DOCK8: variants seen among roughly 807,000 people sequenced by gnomAD.
The protein encoded by DOCK8 is dedicator of cytokinesis protein 8.
Under a neutral mutation model 245.6 loss-of-function variants are expected in DOCK8, and 141 were observed. That is an observed-to-expected ratio of 0.57 (90% CI 0.50 to 0.66). DOCK8 has a LOEUF of 0.66. Among genes scored for constraint, DOCK8 ranks in the 30% least tolerant of loss-of-function variants. The pLI, the probability that DOCK8 is intolerant of heterozygous loss-of-function variation, is 0.00. For synonymous variants in DOCK8, 1,168 were observed against 970.2 expected (o/e 1.20, Z -3.79); for missense variants, 2,965 against 2,603.4 (o/e 1.14, Z -3.02).
At chr9:436,335 T>G (rs1262969206) in intron 39 of DOCK8, among the ~76,000 whole-genome samples, 1 of 152,262 alleles carries the variant, frequency 6.6e-6, no homozygotes, top group Non-Finnish European at 1.5e-5. Flanking sequence ...TCAAATCACA[T>G]AGAAGTGTAC....
chr9:317,928 A>G (rs1004818550), intron 7 of DOCK8, among the ~76,000 whole-genome samples: 3 of 152,036 alleles, frequency 2.0e-5, no homozygotes, highest in African/African-American at 4.8e-5. Context: ...TGCCACATCT[A>G]CTTCAAAGTA....
At chr9:273,083 A>G in intron 2 of DOCK8, 2 of 985,428 alleles carry the variant, frequency 2.0e-6, no homozygotes, top group Non-Finnish European at 2.4e-6. Flanking sequence ...GCGCCGTGTA[A>G]CTGTGAATCT....
chr9:421,932 C>T, intron 32 of DOCK8, 116 bp from the exon 33 acceptor site: 2 of 923,832 alleles, frequency 2.2e-6, no homozygotes, highest in Non-Finnish European at 3.5e-6. Flanking sequence ...TGCATGGACT[C>T]TAATTAGCCC....
chr9:396,980 A>T (rs373182565), intron 25 of DOCK8, 46 bp downstream of exon 25: 298 of 1,564,110 alleles, frequency 1.9e-4, no homozygotes, highest in Non-Finnish European at 2.6e-4. Context: ...TACCTGGAAC[A>T]TATATTACTT....
intron 1 of DOCK8, among the ~76,000 whole-genome samples, chr9:241,424 T>C (rs546344488): frequency 6.6e-6 from 1 of 152,324 alleles, no homozygotes; most frequent in South Asian, 2.1e-4. Context: ...TGTTCTACTT[T>C]TTACTTCTAT....
At chr9:367,852 G>C (rs1010759560) in intron 14 of DOCK8, among the ~76,000 whole-genome samples, 166 bp from the exon 15 acceptor site, 3 of 152,188 alleles carry the variant, frequency 2.0e-5, no homozygotes, top group African/African-American at 4.8e-5. Flanking sequence ...TGTAGCTGAA[G>C]AGGAAGAATC....
intron 45 of DOCK8, among the ~76,000 whole-genome samples, chr9:450,668 T>C (rs1209502995): frequency 2.0e-5 from 3 of 151,994 alleles, no homozygotes; most frequent in African/African-American, 7.3e-5. Context: ...CTGAGTGTAC[T>C]TGACATCAAG....
At chr9:229,733 C>G (rs560944523) in intron 1 of DOCK8, among the ~76,000 whole-genome samples, 13 of 152,140 alleles carry the variant, frequency 8.5e-5, no homozygotes, top group Admixed American at 6.5e-4. Context: ...GACAGAGAGA[C>G]TAACATATCT....
At position 426,994 on chromosome 9, in the gene DOCK8, A is replaced by C; in HGVS notation, c.4338+13A>C. The C allele has an allele frequency of 6.2e-7, 1 of 1,607,704 alleles. No individual in the cohort carries two copies. Among genetic ancestry groups the C allele is most frequent in the Non-Finnish European group, 8.5e-7 (1 of 1,174,570 alleles). On this transcript the variant is annotated intron_variant, in intron 34 of 47. Coordinates refer to ENST00000432829, the MANE Select transcript of DOCK8 (RefSeq NM_203447.4). ...AAACATTATCCAGGTGAGGAAAACAAACACCCAATCTGATTTGTTGGCCAT... is the reference window on the plus strand; with the variant it reads ...AAACATTATCCAGGTGAGGAAAACACACACCCAATCTGATTTGTTGGCCAT...
chr9:406,476 C>T, intron 27 of DOCK8, among the ~76,000 whole-genome samples: 1 of 133,504 alleles, frequency 7.5e-6, no homozygotes, highest in Non-Finnish European at 1.6e-5. Flanking sequence ...AACAGAGTGA[C>T]ACTCTGTCTT....
At chr9:273,413 C>T (rs1181261244) in intron 2 of DOCK8, among the ~76,000 whole-genome samples, 1 of 151,872 alleles carries the variant, frequency 6.6e-6, no homozygotes, top group Non-Finnish European at 1.5e-5. Context: ...TTAATTTGTG[C>T]TAATATATAT....
At chr9:248,464 T>C (rs116515956) in intron 1 of DOCK8, among the ~76,000 whole-genome samples, 1,502 of 149,690 alleles carry the variant, frequency 0.01, 31 homozygotes, top group African/African-American at 0.036. Context: ...CTTCCTTCCT[T>C]CCTCCCTCCC....
intron 14 of DOCK8, among the ~76,000 whole-genome samples, chr9:351,780 A>C (rs1423298607): frequency 6.6e-6 from 1 of 152,206 alleles, no homozygotes; most frequent in Non-Finnish European, 1.5e-5. Flanking sequence ...TTCTGGTTAA[A>C]GATGTCATGG....
intron 2 of DOCK8, among the ~76,000 whole-genome samples, chr9:273,896 G>C (rs924042433): frequency 1.3e-5 from 2 of 152,126 alleles, no homozygotes; most frequent in Admixed American, 6.5e-5. Flanking sequence ...AGTAGAGACG[G>C]GGTTTCTCCA....
intron 1 of DOCK8, among the ~76,000 whole-genome samples, chr9:259,879 C>T (rs1269969957): frequency 6.6e-6 from 1 of 152,214 alleles, no homozygotes; most frequent in Non-Finnish European, 1.5e-5. Flanking sequence ...AAAGATTAGA[C>T]TCATGAAAGA....
intron 26 of DOCK8, among the ~76,000 whole-genome samples, chr9:400,847 A>C (rs1428556681): frequency 9.3e-6 from 1 of 107,182 alleles, no homozygotes; most frequent in Non-Finnish European, 1.9e-5. Context: ...CACCACCTCC[A>C]CCATCACCAC....
Position 304,241 on chromosome 9 carries a change from C to G in DOCK8, c.405-340C>G, listed in dbSNP as rs145923788. On this transcript the variant is annotated intron_variant, in intron 4 of 47. Transcript: ENST00000432829. Reference sequence around the variant, plus strand: ...CTCTATTTGTGGCTTCTGCACATTGCTAGATTTATTCCAGCCACTTACACT... The same window carrying G: ...CTCTATTTGTGGCTTCTGCACATTGGTAGATTTATTCCAGCCACTTACACT... Among the ~76,000 whole-genome samples, 2,145 of 152,218 alleles carry G rather than the reference C, an allele frequency of 0.014. 59 individuals are homozygous for G. The highest frequency in any genetic ancestry group is 0.05 in the African/African-American group (2,075 of 41,502).
intron 12 of DOCK8, among the ~76,000 whole-genome samples, chr9:337,308 C>G (rs981268146): frequency 5.9e-5 from 9 of 152,292 alleles, no homozygotes; most frequent in Admixed American, 3.9e-4. Context: ...GCAGGAAGGT[C>G]AGGTGACATG....
chr9:349,152 A>G (rs1041635762), intron 14 of DOCK8, among the ~76,000 whole-genome samples: 1 of 152,236 alleles, frequency 6.6e-6, no homozygotes, highest in Non-Finnish European at 1.5e-5. Context: ...GTACAAAATA[A>G]AACAGAGCTG....
Sources: gnomAD v4.1 joint callset for allele counts (sites outside exome capture counted in the v4.1 genomes callset) on GRCh38, gnomAD v4.1.1 for gene constraint, MANE v1.5 for transcripts, NCBI Gene and HGNC (gene_info 2026-07-23, HGNC 2026-07-21) for gene names.